STAG1: variants seen among roughly 807,000 people sequenced by gnomAD.
STAG1 encodes the protein STAG1 cohesin complex component, also known as cohesin subunit SA-1.
A neutral mutation model predicts 170.9 loss-of-function variants in STAG1; 26 were observed. The observed-to-expected ratio is 0.15, with a 90% CI of 0.11 to 0.21. STAG1 has a LOEUF of 0.21. Ranked by LOEUF, STAG1 falls within the 10% of genes least tolerant of loss-of-function variation. The pLI, the probability that STAG1 is intolerant of heterozygous loss-of-function variation, is 1.00. For synonymous variants in STAG1, 514 were observed against 497.7 expected (o/e 1.03, Z -0.44); for missense variants, 964 against 1,509.5 (o/e 0.64, Z 5.99).
intron 13 of STAG1, among the ~76,000 whole-genome samples, chr3:136,463,163 A>C (rs2089323784): frequency 6.6e-6 from 1 of 152,220 alleles, no homozygotes; most frequent in Non-Finnish European, 1.5e-5. Context: ...GAAATGCAAT[A>C]TTATTTTAAG....
intron 1 of STAG1, among the ~76,000 whole-genome samples, chr3:136,679,387 C>T (rs1257270657): frequency 6.6e-6 from 1 of 151,886 alleles, no homozygotes; most frequent in Admixed American, 6.6e-5. Flanking sequence ...CGAGACCAGC[C>T]TGTCCAACAT....
intron 3 of STAG1, 53 bp from the exon 4 acceptor site, chr3:136,604,526 A>C: frequency 6.8e-7 from 1 of 1,477,768 alleles, no homozygotes; most frequent in Non-Finnish European, 9.1e-7. Flanking sequence ...TTTGCTTTAT[A>C]TAAAATGATC....
In STAG1 at chr3:136,723,156, G is replaced by C. The variant is rs547950825; in HGVS notation, c.-84+29039C>G. On this transcript the variant is annotated intron_variant, in intron 1 of 33. Coordinates refer to ENST00000383202, the MANE Select transcript of STAG1 (RefSeq NM_005862.3). ...GAGCATCTCTGCCCGGCCGCCCATCGTCTGGGACGTGAGGAGCCCCTCTGC... is the reference window on the plus strand; with the variant it reads ...GAGCATCTCTGCCCGGCCGCCCATCCTCTGGGACGTGAGGAGCCCCTCTGC... 5.9e-4 allele frequency among the ~76,000 whole-genome samples: 87 copies of C among 148,600 alleles called. 1 individual carries two copies. The South Asian group carries it at 0.018, about 31-fold the overall frequency.
At chr3:136,671,265 C>A (rs1941971068) in intron 1 of STAG1, among the ~76,000 whole-genome samples, 1 of 151,940 alleles carries the variant, frequency 6.6e-6, no homozygotes, top group Non-Finnish European at 1.5e-5. Flanking sequence ...CCCTGGGCAA[C>A]AGAGCGAGAC....
intron 1 of STAG1, among the ~76,000 whole-genome samples, chr3:136,652,107 G>A (rs1941239039): frequency 6.6e-6 from 1 of 151,928 alleles, no homozygotes; most frequent in African/African-American, 2.4e-5. Flanking sequence ...ATTTCACAAA[G>A]GAAAAAAGTA....
intron 1 of STAG1, chr3:136,737,252 A>C (rs1934394865): frequency 1.6e-6 from 1 of 607,746 alleles, no homozygotes; most frequent in African/African-American, 1.8e-5. Flanking sequence ...CCACCACGTG[A>C]CCCCCATGCC....
At chr3:136,438,915 AGCC>A (rs774052157) in intron 15 of STAG1, among the ~76,000 whole-genome samples, 28 of 152,132 alleles carry the variant, frequency 1.8e-4, no homozygotes, top group Non-Finnish European at 2.4e-4. Context: ...AAAGTTTCTC[AGCC>A]AGGTGTGGTG....
intron 9 of STAG1, 62 bp from the exon 10 acceptor site, chr3:136,477,474 C>A (rs1421537948): frequency 5.0e-6 from 7 of 1,409,374 alleles, no homozygotes; most frequent in South Asian, 1.6e-5. Context: ...CATTCATACT[C>A]GCTTTCCATA....
chr3:136,750,102 T>C (rs1360245537), intron 1 of STAG1, among the ~76,000 whole-genome samples: 1 of 152,196 alleles, frequency 6.6e-6, no homozygotes, highest in East Asian at 1.9e-4. Flanking sequence ...CAAAATTCTG[T>C]AAATTTTAAG....
rs528237067 is a variant in STAG1 at position 136,541,863 on chromosome 3, A to C, written c.471+256T>G. On this transcript the variant is annotated intron_variant, in intron 6 of 33. Coordinates refer to ENST00000383202, the MANE Select transcript of STAG1 (RefSeq NM_005862.3). ...GGGAATTTGAGATGGTCTTCAAAAT[A>C]AATATCAAGAATCTACTTTTACCTC... Among the ~76,000 whole-genome samples, 22 of 152,266 alleles carry C rather than the reference A, an allele frequency of 1.4e-4. No homozygotes were observed. In the East Asian group the frequency reaches 4.0e-3, roughly 28 times the overall value.
intron 7 of STAG1, among the ~76,000 whole-genome samples, chr3:136,510,555 C>T (rs1327684430): frequency 6.6e-6 from 1 of 151,486 alleles, no homozygotes; most frequent in Non-Finnish European, 1.5e-5. Context: ...GCATTACAGG[C>T]GTGAGCCACT....
At chr3:136,655,677 C>A (rs1276881751) in intron 1 of STAG1, among the ~76,000 whole-genome samples, 2 of 151,990 alleles carry the variant, frequency 1.3e-5, no homozygotes, top group South Asian at 4.1e-4. Flanking sequence ...GCAGGAGAAT[C>A]ACTTGAACCC....
In STAG1 at chr3:136,372,398, G is replaced by C. The variant is rs188444180; in HGVS notation, c.2371-3116C>G. Among the ~76,000 whole-genome samples, 5 of 152,276 alleles carry C rather than the reference G, an allele frequency of 3.3e-5. No homozygotes were observed. The East Asian group carries it at 9.6e-4, about 29-fold the overall frequency. On this transcript the variant is annotated intron_variant, in intron 23 of 33. Transcript: ENST00000383202. ...TTCCAACACTATACTGAATAGGAGT[G>C]GTGAGAGAGGGCATCCCTGTCTTGT...
chr3:136,449,672 T>C (rs1302298450), intron 14 of STAG1, among the ~76,000 whole-genome samples: 1 of 152,038 alleles, frequency 6.6e-6, no homozygotes, highest in East Asian at 1.9e-4. Flanking sequence ...AGTAAGACCA[T>C]CTGAAAATTG....
chr3:136,410,417 T>C (rs921219602), intron 21 of STAG1, among the ~76,000 whole-genome samples: 1 of 151,716 alleles, frequency 6.6e-6, no homozygotes, highest in African/African-American at 2.4e-5. Flanking sequence ...ATAAAAAGTT[T>C]GCCCTAAGAC....
At chr3:136,422,045 G>A (rs2087973093) in intron 19 of STAG1, among the ~76,000 whole-genome samples, 1 of 151,888 alleles carries the variant, frequency 6.6e-6, no homozygotes, top group African/African-American at 2.4e-5. Context: ...TACTCAAGAG[G>A]CTGAGGCAGG....
At chr3:136,358,693 G>C (rs954441072) in intron 27 of STAG1, among the ~76,000 whole-genome samples, 2 of 152,124 alleles carry the variant, frequency 1.3e-5, no homozygotes, top group African/African-American at 4.8e-5. Context: ...TCCTGGCTCA[G>C]CTTCCCAAGT....
chr3:136,441,302 G>T (rs987989453), intron 15 of STAG1, among the ~76,000 whole-genome samples: 1 of 152,044 alleles, frequency 6.6e-6, no homozygotes, highest in African/African-American at 2.4e-5. Context: ...CAAAGTGCTG[G>T]GATTACAGGC....
chr3:136,492,821 G>T (rs554361963), intron 9 of STAG1, among the ~76,000 whole-genome samples: 17 of 152,126 alleles, frequency 1.1e-4, no homozygotes, highest in Admixed American at 6.5e-5. Context: ...AAGTGTATTT[G>T]TATTTTCTCC....
Sources: gnomAD v4.1 joint callset for allele counts (sites outside exome capture counted in the v4.1 genomes callset) on GRCh38, gnomAD v4.1.1 for gene constraint, MANE v1.5 for transcripts, NCBI Gene and HGNC (gene_info 2026-07-23, HGNC 2026-07-21) for gene names.